Variants in RAPH1 observed in about 807,000 individuals in gnomAD.
RAPH1 encodes the protein ras-associated and pleckstrin homology domains-containing protein 1.
Under a neutral mutation model 88.1 loss-of-function variants are expected in RAPH1, and 18 were observed. The observed-to-expected ratio is 0.20, with a 90% CI of 0.14 to 0.30. The LOEUF (loss-of-function observed/expected upper bound fraction) is 0.30, where lower values mean the gene tolerates loss of function less well. RAPH1 is among the 10% of genes least tolerant of loss of function. The probability of loss-of-function intolerance (pLI) is 1.00; values close to 1 mark genes in which losing one functional copy is unlikely to be tolerated. For synonymous variants in RAPH1, 587 were observed against 559.0 expected (o/e 1.05, Z -0.71); for missense variants, 1,448 against 1,543.2 (o/e 0.94, Z 1.03).
chr2:203,471,497 A>G (rs2098533035), intron 4 of RAPH1, among the ~76,000 whole-genome samples: 2 of 152,282 alleles, frequency 1.3e-5, no homozygotes, highest in East Asian at 1.9e-4. Context: ...CTGTAATCCC[A>G]GCCACTCAGC....
intron 2 of RAPH1, among the ~76,000 whole-genome samples, chr2:203,492,009 G>A (rs935270434): frequency 2.0e-5 from 3 of 152,128 alleles, no homozygotes; most frequent in South Asian, 2.1e-4. Context: ...AGAGGCAGGC[G>A]GATCAACTGA....
chr2:203,530,597 T>TA (rs1189037586), intron 1 of RAPH1, among the ~76,000 whole-genome samples: 9 of 152,022 alleles, frequency 5.9e-5, no homozygotes, highest in Admixed American at 5.2e-4. Context: ...TTCAATGTGT[T>TA]AAAAAAAATT....
chr2:203,441,742 C>T (rs2098504413), intron 13 of RAPH1: 2 of 1,284,478 alleles, frequency 1.6e-6, no homozygotes, highest in East Asian at 3.4e-5. Flanking sequence ...GACTTTGACA[C>T]AGCCTGCCCT....
rs1690572330 is a variant in RAPH1 at position 203,535,291 on chromosome 2, TGAC to T, written c.-184_-182del. 1 of 150,340 alleles carries T rather than the reference TGAC, an allele frequency of 6.7e-6. No individual in the cohort carries two copies. The highest frequency in any genetic ancestry group is 2.5e-5 in the African/African-American group (1 of 40,690). 9.3% of individuals were successfully genotyped at this position (150,340 alleles called of 1,614,324 possible). ...CTGACTGACTGACTGACTGACTGAC[TGAC>T]TGACTGGCGGGCGGCGGCGGGAGCG... On this transcript the variant is annotated 5_prime_UTR_variant, in exon 1 of 14. Transcript: ENST00000319170.
chr2:203,513,705 G>A (rs1397873111), intron 1 of RAPH1, among the ~76,000 whole-genome samples: 2 of 150,016 alleles, frequency 1.3e-5, no homozygotes, highest in Non-Finnish European at 3.0e-5. Context: ...TGTGGTGGCA[G>A]GCGCCTATAA....
At chr2:203,525,015 T>C (rs750814888) in intron 1 of RAPH1, among the ~76,000 whole-genome samples, 3 of 152,208 alleles carry the variant, frequency 2.0e-5, no homozygotes, top group Non-Finnish European at 4.4e-5. Flanking sequence ...GGAACATCTA[T>C]CTAAATGGCC....
Position 203,461,249 on chromosome 2 carries a change from C to A in RAPH1, c.970G>T (p.Glu324Ter). The A allele has an allele frequency of 1.3e-6, 2 of 1,565,590 alleles. No homozygotes were observed. Among genetic ancestry groups the A allele is most frequent in the African/African-American group, 1.4e-5 (1 of 73,360 alleles). ...CAATTAAAGCAATGATATTACTAAC[C>A]CATTTGTAATTCAGAAACGGTTTCT... ...LVETVSELQM[E>*]RIFEDHENLV... The change falls in exon 6 of 14, where the codon GAG becomes TAG. Residue 324 changes from glutamate (E) to a stop codon, truncating the protein, a stop_gained and splice_region_variant. Coordinates refer to ENST00000319170, the MANE Select transcript of RAPH1 (RefSeq NM_213589.3). LOFTEE classifies it high-confidence loss of function.
At chr2:203,452,919 CA>C (rs2098516063) in intron 10 of RAPH1, among the ~76,000 whole-genome samples, 1 of 152,116 alleles carries the variant, frequency 6.6e-6, no homozygotes, top group South Asian at 2.1e-4. Flanking sequence ...GCCAGGGAGA[CA>C]GAGTGAGACT....
Position 203,439,273 on chromosome 2 carries a change from C to T in RAPH1, c.*164G>A, listed in dbSNP as rs1204473731. The T allele has an allele frequency of 1.6e-6, 1 of 618,530 alleles. No homozygotes were observed. The highest frequency in any genetic ancestry group is 2.7e-5 in the East Asian group (1 of 36,848). 38.3% of individuals were successfully genotyped at this position (618,530 alleles called of 1,614,324 possible). On this transcript the variant is annotated 3_prime_UTR_variant, in exon 14 of 14. Coordinates refer to ENST00000319170, the MANE Select transcript of RAPH1 (RefSeq NM_213589.3). ...TGTATACATATATACACACACTGTACAGCTGTGTGTACATGCACGTGTACA... is the reference window on the plus strand; with the variant it reads ...TGTATACATATATACACACACTGTATAGCTGTGTGTACATGCACGTGTACA...
intron 1 of RAPH1, among the ~76,000 whole-genome samples, chr2:203,532,573 T>C (rs374348445): frequency 6.6e-6 from 1 of 152,220 alleles, no homozygotes; most frequent in Non-Finnish European, 1.5e-5. Flanking sequence ...CTGTGCCTAT[T>C]TTCTCAAATA....
rs974378845 is a variant in RAPH1 at position 203,434,396 on chromosome 2, A to G, written c.*5041T>C. 6.6e-6 allele frequency: 1 copy of G among 152,608 alleles called. No individual in the cohort carries two copies. The highest frequency in any genetic ancestry group is 6.5e-5 in the Admixed American group (1 of 15,278). The allele number at this position is 152,608 out of a possible 1,614,324, so 9.5% of individuals were successfully genotyped here. A position where few individuals can be genotyped will look rare whatever the true frequency, so the allele number is the denominator to read the frequency against. ...CAATCCCAGTTAAATATAATGTGCA[A>G]TTCCCCTTTAACAGTAAACAATGTT... is the stretch of plus-strand genomic sequence containing the variant. On this transcript the variant is annotated 3_prime_UTR_variant, in exon 14 of 14. Transcript: ENST00000319170.
At chr2:203,461,534 T>G in intron 5 of RAPH1, 126 bp from the exon 6 acceptor site, 1 of 656,020 alleles carries the variant, frequency 1.5e-6, no homozygotes, top group Non-Finnish European at 2.3e-6. Flanking sequence ...AAATAATGAC[T>G]TCATTATGCA....
At chr2:203,504,081 A>C (rs1688861442) in intron 1 of RAPH1, among the ~76,000 whole-genome samples, 1 of 152,124 alleles carries the variant, frequency 6.6e-6, no homozygotes, top group Admixed American at 6.5e-5. Flanking sequence ...TTCCAAGTGC[A>C]CAGTGCAAGC....
In RAPH1 at chr2:203,438,187, T is replaced by G. The variant is rs1429829249; in HGVS notation, c.*1250A>C. On this transcript the variant is annotated 3_prime_UTR_variant, in exon 14 of 14. Transcript: ENST00000319170. Reference sequence around the variant, plus strand: ...AGGCTGCAGTCAGCAAGGGTCCTGGTAGCCCCAGTAGCTATAAATGAAACT... The same window carrying G: ...AGGCTGCAGTCAGCAAGGGTCCTGGGAGCCCCAGTAGCTATAAATGAAACT... 1.9e-6 allele frequency: 1 copy of G among 518,714 alleles called. No individual in the cohort carries two copies. Among genetic ancestry groups the G allele is most frequent in the Admixed American group, 1.9e-5 (1 of 51,574 alleles). The allele number at this position is 518,714 out of a possible 1,614,324, so 32.1% of individuals were successfully genotyped here.
chr2:203,457,987 G>A (rs2098521165), intron 7 of RAPH1, among the ~76,000 whole-genome samples: 1 of 152,154 alleles, frequency 6.6e-6, no homozygotes, highest in African/African-American at 2.4e-5. Context: ...TGATCTAGGT[G>A]CAGAAAATTT....
chr2:203,529,012 T>A (rs1241530225), intron 1 of RAPH1, among the ~76,000 whole-genome samples: 71 of 115,974 alleles, frequency 6.1e-4, no homozygotes, highest in Non-Finnish European at 9.5e-4. Context: ...TATATTTTTT[T>A]TTTTTTTTTT....
chr2:203,525,003 G>T (rs987516876), intron 1 of RAPH1, among the ~76,000 whole-genome samples: 2 of 152,040 alleles, frequency 1.3e-5, no homozygotes, highest in African/African-American at 4.8e-5. Context: ...TTTTTAAAAG[G>T]AGGAACATCT....
Position 203,535,228 on chromosome 2 carries a change from A to G in RAPH1, c.-118T>C, listed in dbSNP as rs1690566274. 1 of 152,008 alleles carries G rather than the reference A, an allele frequency of 6.6e-6. No homozygotes were observed. The highest frequency in any genetic ancestry group is 2.4e-5 in the African/African-American group (1 of 41,272). The allele number at this position is 152,008 out of a possible 1,614,324, so 9.4% of individuals were successfully genotyped here. On this transcript the variant is annotated 5_prime_UTR_variant, in exon 1 of 14. Coordinates refer to ENST00000319170, the MANE Select transcript of RAPH1 (RefSeq NM_213589.3). The stretch of plus-strand genomic sequence containing the variant: ...GCGCTCCCTCGCCAGAGACGCAGCG[A>G]CTGCCAGCAGCTCCCGCGCCGCGCG...
In RAPH1 at chr2:203,505,275, G is replaced by T. The variant is rs190591423; in HGVS notation, c.1-9922C>A. ...CTCACAGTTCCACATGGCTGGGGAG[G>T]CCTCAGAATCATGGTGGGAGGCAAA... On this transcript the variant is annotated intron_variant, in intron 1 of 13. Coordinates refer to ENST00000319170, the MANE Select transcript of RAPH1 (RefSeq NM_213589.3). Among the ~76,000 whole-genome samples the T allele has an allele frequency of 5.0e-3, 758 of 152,292 alleles. 1 individual carries two copies. The highest frequency in any genetic ancestry group is 0.01 in the Middle Eastern group (3 of 294).
Sources: gnomAD v4.1 joint callset for allele counts (sites outside exome capture counted in the v4.1 genomes callset) on GRCh38, gnomAD v4.1.1 for gene constraint, MANE v1.5 for transcripts, NCBI Gene and HGNC (gene_info 2026-07-23, HGNC 2026-07-21) for gene names.